The following RAP1GAP2 variants were observed in gnomAD, a reference collection of about 807,000 sequenced individuals.
RAP1GAP2 encodes rap1 GTPase-activating protein 2.
Under a neutral mutation model 95.0 loss-of-function variants are expected in RAP1GAP2, and 27 were observed. That is an observed-to-expected ratio of 0.28 (90% confidence interval 0.21 to 0.39). RAP1GAP2 has a LOEUF of 0.39. Among genes scored for constraint, RAP1GAP2 ranks in the 10% least tolerant of loss-of-function variants. The pLI, the probability that RAP1GAP2 is intolerant of heterozygous loss-of-function variation, is 1.00. For synonymous variants in RAP1GAP2, 373 were observed against 380.9 expected, an observed-to-expected ratio of 0.98 and a Z score of 0.24; for missense variants, 771 against 970.0, an observed-to-expected ratio of 0.79 and a Z score of 2.72.
intron 2 of RAP1GAP2, among the ~76,000 whole-genome samples, chr17:2,865,958 A>G (rs2072596717): frequency 6.6e-6 from 1 of 152,342 alleles, no homozygotes; most frequent in Admixed American, 6.5e-5. Flanking sequence ...ACCTCCATCA[A>G]TATGCGGGTG....
chr17:2,879,476 G>A (rs1028898494), intron 2 of RAP1GAP2, among the ~76,000 whole-genome samples: 1 of 151,134 alleles, frequency 6.6e-6, no homozygotes, highest in Non-Finnish European at 1.5e-5. Flanking sequence ...GCCTGTCATC[G>A]CAGCACTTTG....
chr17:2,864,320 G>A (rs1486641227), intron 2 of RAP1GAP2, among the ~76,000 whole-genome samples: 2 of 152,222 alleles, frequency 1.3e-5, no homozygotes, highest in East Asian at 1.9e-4. Flanking sequence ...TGGCTGGAGC[G>A]TCCATGCCTG....
chr17:2,828,347 C>CA (rs1555548888), intron 2 of RAP1GAP2, among the ~76,000 whole-genome samples: 4 of 150,218 alleles, frequency 2.7e-5, no homozygotes, highest in Admixed American at 1.3e-4. Context: ...TCAAAAACAA[C>CA]AACAAACAAA....
At chr17:2,975,615 C>T (rs989315893) in intron 8 of RAP1GAP2, among the ~76,000 whole-genome samples, 3 of 152,182 alleles carry the variant, frequency 2.0e-5, no homozygotes, top group Non-Finnish European at 2.9e-5. Context: ...CCCTGATGGG[C>T]GTGTTTGGGA....
At chr17:2,802,903 G>A (rs1047594647) in intron 2 of RAP1GAP2, among the ~76,000 whole-genome samples, 30 of 152,214 alleles carry the variant, frequency 2.0e-4, no homozygotes, top group Non-Finnish European at 3.5e-4. Flanking sequence ...CCCGGGACAA[G>A]ATGCTTCCCT....
intron 11 of RAP1GAP2, among the ~76,000 whole-genome samples, chr17:2,990,616 A>G (rs1373379648): frequency 4.6e-5 from 7 of 152,210 alleles, no homozygotes; most frequent in African/African-American, 1.7e-4. Context: ...CAGATCATAT[A>G]GTGACTCTGC....
At position 3,008,939 on chromosome 17, in the gene RAP1GAP2, G is replaced by A. The variant is rs1473481420; in HGVS notation, c.1494+794G>A. 1.3e-5 allele frequency among the ~76,000 whole-genome samples: 2 copies of A among 152,158 alleles called. No individual in the cohort carries two copies. The highest frequency in any genetic ancestry group is 2.1e-4 in the South Asian group (1 of 4,824). On this transcript the variant is annotated intron_variant, in intron 17 of 24. Coordinates refer to ENST00000254695, the MANE Select transcript of RAP1GAP2 (RefSeq NM_015085.5). This position sits in a 1 kb window ranked among gnomAD's most constrained non-coding sequence, Gnocchi z 4.2. The stretch of plus-strand genomic sequence containing the variant: ...ACAGGCCTGCTCAGGTCCTTACACC[G>A]AGGCAGAGTTAGAGCCTCATTTCAA...
At chr17:2,764,171 C>A (rs2151758700) in intron 1 of RAP1GAP2, among the ~76,000 whole-genome samples, 1 of 152,322 alleles carries the variant, frequency 6.6e-6, no homozygotes, top group South Asian at 2.1e-4. Flanking sequence ...GTGGCTCACG[C>A]CTGTAATCCC....
chr17:2,945,164 C>G (rs896362385), intron 3 of RAP1GAP2, among the ~76,000 whole-genome samples: 1 of 152,202 alleles, frequency 6.6e-6, no homozygotes. Context: ...CGTGAGCCAC[C>G]GTGCCCAGCC....
chr17:2,767,685 T>C (rs1223909358), intron 1 of RAP1GAP2, among the ~76,000 whole-genome samples: 1 of 152,046 alleles, frequency 6.6e-6, no homozygotes, highest in Non-Finnish European at 1.5e-5. Context: ...TTACAACATC[T>C]TTTATGGCCA....
chr17:3,018,322 G>GT, intron 18 of RAP1GAP2, 124 bp downstream of exon 18: 1 of 1,302,192 alleles, frequency 7.7e-7, no homozygotes, highest in Non-Finnish European at 1.0e-6. Context: ...CTGGATGATG[G>GT]TGGGAAACTG....
intron 13 of RAP1GAP2, 104 bp downstream of exon 13, chr17:2,995,570 C>T (rs573525098): frequency 6.8e-5 from 99 of 1,459,496 alleles, no homozygotes; most frequent in South Asian, 1.4e-4. Context: ...TATTCGTTCC[C>T]GTAGCCGGCC....
intron 3 of RAP1GAP2, among the ~76,000 whole-genome samples, chr17:2,932,460 G>A (rs890576093): frequency 2.6e-5 from 4 of 151,888 alleles, no homozygotes; most frequent in Non-Finnish European, 4.4e-5. Context: ...TCGGTATGTG[G>A]TGTGTGTCTT....
intron 17 of RAP1GAP2, among the ~76,000 whole-genome samples, chr17:3,013,627 CTTTTCTTTTTTT>C (rs1274082230): frequency 1.9e-4 from 15 of 78,934 alleles, no homozygotes; most frequent in Middle Eastern, 8.1e-3. Flanking sequence ...CTTTTCTTTT[CTTTTCTTTTTTT>C]TTTTTTTTTT....
At chr17:2,957,408 T>C (rs2044156306) in intron 3 of RAP1GAP2, among the ~76,000 whole-genome samples, 1 of 152,214 alleles carries the variant, frequency 6.6e-6, no homozygotes, top group African/African-American at 2.4e-5. Flanking sequence ...GAAAACATCC[T>C]AAATATGGCT....
At chr17:2,800,444 C>T in intron 1 of RAP1GAP2, 71 bp from the exon 2 acceptor site, 1 of 1,070,760 alleles carries the variant, frequency 9.3e-7, no homozygotes, top group Non-Finnish European at 1.3e-6. Flanking sequence ...CCCGGGGACT[C>T]CTCCATACAG....
chr17:2,892,519 G>C (rs2073758849), intron 2 of RAP1GAP2, among the ~76,000 whole-genome samples: 1 of 152,130 alleles, frequency 6.6e-6, no homozygotes, highest in Non-Finnish European at 1.5e-5. Context: ...GAGCTGGGCT[G>C]TGTTCTCATA....
chr17:2,890,768 T>C (rs1331283562), intron 2 of RAP1GAP2, among the ~76,000 whole-genome samples: 2 of 150,686 alleles, frequency 1.3e-5, no homozygotes, highest in Non-Finnish European at 3.0e-5. Context: ...CACTGCAAGC[T>C]CCGCCTCCTG....
In RAP1GAP2 at chr17:3,005,909, C is replaced by T; in HGVS notation, c.1273-46C>T. On this transcript the variant is annotated intron_variant, in intron 15 of 24. Coordinates refer to ENST00000254695, the MANE Select transcript of RAP1GAP2 (RefSeq NM_015085.5). This position sits in a 1 kb window ranked among gnomAD's most constrained non-coding sequence, Gnocchi z 5.2. ...GTCACTGTGGCTGAAGACCTTCTGG[C>T]AACAGCCGAGAGTGACAGACCTGAG... 1 of 1,565,700 alleles carries T rather than the reference C, an allele frequency of 6.4e-7. No homozygotes were observed. Among genetic ancestry groups the T allele is most frequent in the African/African-American group, 1.4e-5 (1 of 73,954 alleles).
Sources: gnomAD v4.1 joint callset for allele counts (sites outside exome capture counted in the v4.1 genomes callset) on GRCh38, gnomAD v4.1.1 for gene constraint, Gnocchi (gnomAD v3.1) non-coding constraint, MANE v1.5 for transcripts, NCBI Gene and HGNC (gene_info 2026-07-23, HGNC 2026-07-21) for gene names.